SYNE1: variants seen among roughly 807,000 people sequenced by gnomAD.
The protein encoded by SYNE1 is nesprin-1.
SYNE1 carries 616 observed loss-of-function variants against 1,111.0 expected under a neutral mutation model. That is an observed-to-expected ratio of 0.55 (90% CI 0.52 to 0.59). The LOEUF (loss-of-function observed/expected upper bound fraction) is 0.59, where lower values mean the gene tolerates loss of function less well. Ranked by LOEUF, SYNE1 falls within the 20% of genes least tolerant of loss-of-function variation. The pLI is 0.00. For synonymous variants in SYNE1, 3,855 were observed against 3,825.8 expected, an observed-to-expected ratio of 1.01 and a Z score of -0.28; for missense variants, 10,006 against 10,417.0, an observed-to-expected ratio of 0.96 and a Z score of 1.72.
intron 4 of SYNE1, among the ~76,000 whole-genome samples, chr6:152,534,334 C>T (rs1452932262): frequency 6.6e-6 from 1 of 151,906 alleles, no homozygotes; most frequent in Non-Finnish European, 1.5e-5. Flanking sequence ...CTAATATATT[C>T]TATAAATAAA....
chr6:152,404,165 G>A lies in SYNE1; in HGVS notation c.6825+48C>T, dbSNP rs1177240604. 3.8e-6 allele frequency: 5 copies of A among 1,303,116 alleles called. No individual in the cohort carries two copies. The East Asian group carries it at 9.4e-5, about 25-fold the overall frequency. The allele number at this position is 1,303,116 out of a possible 1,614,324, so 80.7% of individuals were successfully genotyped here. The stretch of plus-strand genomic sequence containing the variant: ...GACAGAGAAAGTCTAGTATATGGTA[G>A]TAATTACAAAATGGATGGAAGTCTA... On this transcript the variant is annotated intron_variant, in intron 46 of 145. Coordinates refer to ENST00000367255, the MANE Select transcript of SYNE1 (RefSeq NM_182961.4).
At chr6:152,170,190 A>G (rs1295543040) in intron 130 of SYNE1, among the ~76,000 whole-genome samples, 1 of 152,206 alleles carries the variant, frequency 6.6e-6, no homozygotes, top group Non-Finnish European at 1.5e-5. Context: ...CAATGAACTA[A>G]ATATGAGACA....
chr6:152,275,874 C>T (rs2093584261), intron 98 of SYNE1, among the ~76,000 whole-genome samples: 1 of 147,168 alleles, frequency 6.8e-6, no homozygotes, highest in African/African-American at 2.5e-5. Flanking sequence ...GAGCAAGACC[C>T]TGTCTCAAAA....
At chr6:152,252,305 A>G (rs898866322) in intron 104 of SYNE1, among the ~76,000 whole-genome samples, 12 of 151,866 alleles carry the variant, frequency 7.9e-5, no homozygotes, top group African/African-American at 2.9e-4. Context: ...ATAAATAAAT[A>G]ATAAAATAAA....
At chr6:152,149,360 G>T in intron 136 of SYNE1, 117 bp downstream of exon 136, 1 of 1,235,018 alleles carries the variant, frequency 8.1e-7, no homozygotes, top group East Asian at 2.4e-5. Flanking sequence ...GCTAGGACTT[G>T]AACTCAGGTG....
At position 152,231,470 on chromosome 6, in the gene SYNE1, C is replaced by T. The variant is rs779301586; in HGVS notation, c.20960G>A (p.Ser6987Asn). The T allele has an allele frequency of 1.4e-4, 228 of 1,614,036 alleles. No individual in the cohort carries two copies. The East Asian group carries it at 5.0e-3, about 35-fold the overall frequency. ...ISSQDVESKRSDKTDFAEQLG... is the reference protein window; with the variant it reads ...ISSQDVESKRNDKTDFAEQLG... ...TTGCTCAGCAAAATCAGTCTTATCA[C>T]TACGCTTACTTTCCACATCCTGACT... Residue 6987 changes from serine to asparagine, a missense_variant, in exon 114 of 146, where the codon AGT becomes AAT. Physicochemically the swap from Ser to Asn is conservative, Grantham distance 46. Coordinates refer to ENST00000367255, the MANE Select transcript of SYNE1 (RefSeq NM_182961.4).
intron 60 of SYNE1, 24 bp from the exon 61 acceptor site, chr6:152,369,151 A>G: frequency 3.7e-6 from 6 of 1,610,772 alleles, no homozygotes; most frequent in Non-Finnish European, 5.1e-6. Context: ...GCAAGTTACT[A>G]TTCAGAGGCT....
chr6:152,152,718 T>C (rs1383419038), intron 133 of SYNE1, among the ~76,000 whole-genome samples: 1 of 152,246 alleles, frequency 6.6e-6, no homozygotes, highest in Non-Finnish European at 1.5e-5. Flanking sequence ...TATAAGCTTT[T>C]AAGAAAAGTA....
chr6:152,267,715 G>C (rs2092836749), intron 100 of SYNE1, among the ~76,000 whole-genome samples: 1 of 152,192 alleles, frequency 6.6e-6, no homozygotes, highest in African/African-American at 2.4e-5. Flanking sequence ...CTTACAGAGA[G>C]AATGCTCTCC....
chr6:152,227,909 T>C (rs2081965210), intron 115 of SYNE1, among the ~76,000 whole-genome samples: 1 of 152,154 alleles, frequency 6.6e-6, no homozygotes, highest in South Asian at 2.1e-4. Context: ...GATGATTCTG[T>C]TTCTGATCAA....
At position 152,208,038 on chromosome 6, in the gene SYNE1, G is replaced by A; in HGVS notation, c.22758C>T (p.Pro7586=). 6.2e-7 allele frequency: 1 copy of A among 1,614,124 alleles called. No homozygotes were observed. The highest frequency in any genetic ancestry group is 1.1e-5 in the South Asian group (1 of 91,080). Residue 7586 remains proline (P), a synonymous_variant, in exon 125 of 146, where the codon CCC becomes CCT. Transcript: ENST00000367255. ...RKWLVEVSYL[P]MSGLGSVPIP... ...TAGGAACACTTCCGAGACCACTCAT[G>A]GGGAGGTAGGACACTTCAACCAACC...
intron 115 of SYNE1, among the ~76,000 whole-genome samples, 188 bp downstream of exon 115, chr6:152,230,359 G>A (rs1213224979): frequency 1.3e-5 from 2 of 151,614 alleles, no homozygotes; most frequent in Non-Finnish European, 2.9e-5. Context: ...TTTTAAAAAC[G>A]AGTGAAAAAA....
intron 74 of SYNE1, 65 bp from the exon 75 acceptor site, chr6:152,339,431 C>G: frequency 1.9e-6 from 3 of 1,595,512 alleles, no homozygotes; most frequent in South Asian, 2.2e-5. Context: ...ATACTTGTAT[C>G]ATTTGGAATA....
intron 62 of SYNE1, among the ~76,000 whole-genome samples, chr6:152,366,154 G>A (rs2097073953): frequency 6.6e-6 from 1 of 151,732 alleles, no homozygotes; most frequent in South Asian, 2.1e-4. Context: ...CCAACATGGA[G>A]AAACCCCGTC....
intron 131 of SYNE1, among the ~76,000 whole-genome samples, chr6:152,163,844 T>C (rs914915843): frequency 6.6e-6 from 1 of 152,066 alleles, no homozygotes; most frequent in South Asian, 2.1e-4. Flanking sequence ...GACTCTCAAA[T>C]AAATAAACCA....
At chr6:152,525,622 T>C (rs1038331125) in intron 5 of SYNE1, among the ~76,000 whole-genome samples, 1 of 152,154 alleles carries the variant, frequency 6.6e-6, no homozygotes, top group African/African-American at 2.4e-5. Context: ...GGATGATGGA[T>C]GATGTCAACA....
intron 46 of SYNE1, 97 bp downstream of exon 46, chr6:152,404,116 T>TATATAC (rs747022132): frequency 6.1e-4 from 373 of 616,402 alleles, no homozygotes; most frequent in African/African-American, 3.3e-3. Flanking sequence ...TATATATATA[T>TATATAC]ACACACACAC....
intron 145 of SYNE1, among the ~76,000 whole-genome samples, chr6:152,130,132 G>C (rs1202830913): frequency 6.6e-6 from 1 of 152,140 alleles, no homozygotes; most frequent in African/African-American, 2.4e-5. Context: ...CCAAGTGCCC[G>C]GAAAGTGAGT....
At chr6:152,525,348 G>C (rs1385607086) in intron 5 of SYNE1, among the ~76,000 whole-genome samples, 1 of 152,084 alleles carries the variant, frequency 6.6e-6, no homozygotes, top group Non-Finnish European at 1.5e-5. Context: ...TCTGTGTCTA[G>C]TGTGTTATCC....
Sources: gnomAD v4.1 joint callset for allele counts (sites outside exome capture counted in the v4.1 genomes callset) on GRCh38, gnomAD v4.1.1 for gene constraint, MANE v1.5 for transcripts, NCBI Gene and HGNC (gene_info 2026-07-23, HGNC 2026-07-21) for gene names.